HIP1: variants seen among roughly 807,000 people sequenced by gnomAD.
HIP1 encodes huntingtin interacting protein 1, also known as huntingtin-interacting protein 1.
Under a neutral mutation model 147.6 loss-of-function variants are expected in HIP1, and 65 were observed. The observed-to-expected ratio is 0.44, with a 90% confidence interval of 0.36 to 0.54. The LOEUF is 0.54. HIP1 is among the 20% of genes least tolerant of loss of function. HIP1 has a pLI of 0.00. For missense variants in HIP1, 1,061 were observed against 1,299.6 expected (o/e 0.82, Z 2.82); for synonymous variants, 479 against 504.0 (o/e 0.95, Z 0.67).
intron 9 of HIP1, among the ~76,000 whole-genome samples, chr7:75,567,207 A>C (rs76218809): frequency 0.013 from 1,934 of 149,650 alleles, 118 homozygotes; most frequent in African/African-American, 0.039. Flanking sequence ...GTACAGTTTG[A>C]GATTTAAGTA....
In HIP1 at chr7:75,621,447, G is replaced by A. The variant is rs113170550; in HGVS notation, c.121-22200C>T. 9.5e-4 allele frequency among the ~76,000 whole-genome samples: 144 copies of A among 152,254 alleles called. 1 individual carries two copies. The highest frequency in any genetic ancestry group is 3.2e-3 in the African/African-American group (135 of 41,556). On this transcript the variant is annotated intron_variant, in intron 1 of 30. Coordinates refer to ENST00000336926, the MANE Select transcript of HIP1 (RefSeq NM_005338.7). ...TTTTTGCGGTTTTTGGTAAAGACGG[G>A]GTCTTGCCATGTTGCCCAGGTTGGT...
intron 1 of HIP1, among the ~76,000 whole-genome samples, chr7:75,648,557 T>C (rs781968646): frequency 6.6e-5 from 10 of 151,622 alleles, no homozygotes; most frequent in South Asian, 2.1e-4. Flanking sequence ...GGGGAAAGGG[T>C]GATTTCAAGC....
chr7:75,625,478 C>G (rs1426897692), intron 1 of HIP1: 1 of 152,280 alleles, frequency 6.6e-6, no homozygotes, highest in Non-Finnish European at 1.5e-5. Flanking sequence ...TGATGGCTGC[C>G]TGAAGGAAGA....
chr7:75,621,797 T>C (rs1483545080), intron 1 of HIP1, among the ~76,000 whole-genome samples: 1 of 151,978 alleles, frequency 6.6e-6, no homozygotes, highest in Non-Finnish European at 1.5e-5. Flanking sequence ...ATCTGGGGTG[T>C]GAGGAAGGAA....
chr7:75,614,836 C>T (rs587622701), intron 1 of HIP1, among the ~76,000 whole-genome samples: 8 of 152,094 alleles, frequency 5.3e-5, no homozygotes, highest in East Asian at 1.9e-4. Flanking sequence ...TGCAGTGGCG[C>T]GATCTCGGCG....
intron 1 of HIP1, among the ~76,000 whole-genome samples, chr7:75,719,362 G>A (rs1554520916): frequency 1.3e-5 from 2 of 151,936 alleles, no homozygotes; most frequent in African/African-American, 4.8e-5. Context: ...AAATTAGCCA[G>A]GCAAGGTGGC....
At chr7:75,665,936 C>T (rs1019390389) in intron 1 of HIP1, among the ~76,000 whole-genome samples, 1 of 151,968 alleles carries the variant, frequency 6.6e-6, no homozygotes, top group Admixed American at 6.6e-5. Flanking sequence ...GTGAAAAAAA[C>T]CAACAAAACA....
At chr7:75,612,623 A>G (rs1333536306) in intron 1 of HIP1, among the ~76,000 whole-genome samples, 5 of 151,742 alleles carry the variant, frequency 3.3e-5, no homozygotes, top group Admixed American at 3.3e-4. Context: ...AGCCTGACCA[A>G]CATGGTGAAA....
chr7:75,674,804 T>TA (rs782096890), intron 1 of HIP1, among the ~76,000 whole-genome samples: 2 of 151,858 alleles, frequency 1.3e-5, no homozygotes, highest in Non-Finnish European at 2.9e-5. Context: ...TTTTTTTTTT[T>TA]AATGAGAAGC....
chr7:75,716,645 G>C (rs782680239), intron 1 of HIP1, among the ~76,000 whole-genome samples: 2 of 150,018 alleles, frequency 1.3e-5, no homozygotes, highest in Non-Finnish European at 3.0e-5. Context: ...TCAGCCTCCC[G>C]AGTAGCTGGG....
chr7:75,586,841 G>A lies in HIP1; in HGVS notation c.385-8C>T, dbSNP rs1796308305. ...CCCCTCGCTCAGGTGGCCCTTTTAGGAAGAGGAGGGGAAACAGAGTCAACA... is the reference window on the plus strand; with the variant it reads ...CCCCTCGCTCAGGTGGCCCTTTTAGAAAGAGGAGGGGAAACAGAGTCAACA... On this transcript the variant is annotated splice_region_variant and splice_polypyrimidine_tract_variant and intron_variant, in intron 4 of 30. Transcript: ENST00000336926. The A allele has an allele frequency of 6.3e-7, 1 of 1,585,794 alleles. No homozygotes were observed. Among genetic ancestry groups the A allele is most frequent in the Non-Finnish European group, 8.7e-7 (1 of 1,154,946 alleles).
chr7:75,661,907 C>T (rs1432034560), intron 1 of HIP1, among the ~76,000 whole-genome samples: 1 of 151,902 alleles, frequency 6.6e-6, no homozygotes, highest in East Asian at 1.9e-4. Context: ...TGGAAAAATC[C>T]AGAGGAGGCA....
intron 1 of HIP1, among the ~76,000 whole-genome samples, chr7:75,689,162 C>A (rs954187069): frequency 1.1e-4 from 16 of 152,048 alleles, no homozygotes; most frequent in African/African-American, 3.9e-4. Flanking sequence ...CCAGCCTGGG[C>A]AACATAGTGA....
intron 7 of HIP1, among the ~76,000 whole-genome samples, chr7:75,581,001 C>T (rs1010340936): frequency 1.3e-5 from 2 of 152,134 alleles, no homozygotes; most frequent in East Asian, 3.9e-4. Flanking sequence ...CTTAGCCTCC[C>T]AAAGTGCTAG....
intron 1 of HIP1, among the ~76,000 whole-genome samples, chr7:75,645,351 C>CTAG (rs1563266411): frequency 6.6e-6 from 1 of 152,004 alleles, no homozygotes; most frequent in Non-Finnish European, 1.5e-5. Context: ...CTCAGCCTCC[C>CTAG]GAGTAGCTGG....
intron 1 of HIP1, among the ~76,000 whole-genome samples, chr7:75,719,391 C>T (rs1259233856): frequency 6.6e-6 from 1 of 151,772 alleles, no homozygotes; most frequent in Non-Finnish European, 1.5e-5. Flanking sequence ...ATAGTCCCAG[C>T]TACTCAGGAG....
At chr7:75,642,466 CAG>C (rs1238470624) in intron 1 of HIP1, among the ~76,000 whole-genome samples, 1 of 152,142 alleles carries the variant, frequency 6.6e-6, no homozygotes, top group Non-Finnish European at 1.5e-5. Context: ...ACACGAGAGA[CAG>C]AGGTTGCAGT....
At chr7:75,703,856 G>C (rs1800911837) in intron 1 of HIP1, among the ~76,000 whole-genome samples, 1 of 152,108 alleles carries the variant, frequency 6.6e-6, no homozygotes, top group African/African-American at 2.4e-5. Context: ...AGCTCTAAAG[G>C]ACCAAAGTTG....
chr7:75,642,165 G>A (rs1468023322), intron 1 of HIP1, among the ~76,000 whole-genome samples: 1 of 152,184 alleles, frequency 6.6e-6, no homozygotes, highest in African/African-American at 2.4e-5. Flanking sequence ...TTGGGAGGCT[G>A]AGGTGGGAGG....
Sources: allele counts gnomAD v4.1 joint callset (sites outside exome capture counted in the v4.1 genomes callset), GRCh38; gene constraint gnomAD v4.1.1; transcripts MANE v1.5; gene names NCBI Gene and HGNC (gene_info 2026-07-23, HGNC 2026-07-21).